Variants in ATP2A2 observed in about 807,000 individuals in gnomAD.
The protein encoded by ATP2A2 is sarcoplasmic/endoplasmic reticulum calcium ATPase 2.
In ATP2A2, 14 loss-of-function variants were observed where a neutral mutation model predicts 109.3. The observed-to-expected ratio is 0.13, with a 90% CI of 0.08 to 0.20. The LOEUF is 0.20. ATP2A2 is among the 10% of genes least tolerant of loss of function. The probability of loss-of-function intolerance (pLI) is 1.00; values close to 1 mark genes in which losing one functional copy is unlikely to be tolerated. For synonymous variants in ATP2A2, 506 were observed against 490.9 expected, an observed-to-expected ratio of 1.03 and a Z score of -0.41; for missense variants, 657 against 1,321.6, an observed-to-expected ratio of 0.50 and a Z score of 7.80.
At chr12:110,291,192 G>A (rs2137699978) in intron 3 of ATP2A2, among the ~76,000 whole-genome samples, 1 of 150,204 alleles carries the variant, frequency 6.7e-6, no homozygotes, top group African/African-American at 2.4e-5. Context: ...ACAGGCGTGA[G>A]CCATCGCACC....
chr12:110,307,792 AG>A (rs138707954), intron 5 of ATP2A2, among the ~76,000 whole-genome samples: 27,776 of 152,164 alleles, frequency 0.18, 2,936 homozygotes, highest in Admixed American at 0.28. Context: ...CCAATTCTGT[AG>A]GTTGTCAGTT....
intron 11 of ATP2A2, among the ~76,000 whole-genome samples, chr12:110,335,546 T>G (rs1447715920): frequency 1.7e-4 from 26 of 152,210 alleles, no homozygotes. Flanking sequence ...GTGGCTAAAC[T>G]TGAAGGATAA....
At position 110,342,240 on chromosome 12, in the gene ATP2A2, G is replaced by A. The variant is rs1226944289; in HGVS notation, c.2110G>A (p.Val704Met). 3 of 1,614,096 alleles carry A rather than the reference G, an allele frequency of 1.9e-6. No homozygotes were observed. Among genetic ancestry groups the A allele is most frequent in the Non-Finnish European group, 2.5e-6 (3 of 1,180,044 alleles). Residue 704 changes from valine to methionine, a missense_variant, in exon 15 of 20, where the codon GTG becomes ATG. This residue lies in a region of ATP2A2 where 50 missense variants were observed against 176.9 expected (regional missense o/e 0.28). Coordinates refer to ENST00000539276, the MANE Select transcript of ATP2A2 (RefSeq NM_170665.4). This position sits in a 1 kb window ranked among gnomAD's most constrained non-coding sequence, Gnocchi z 4.6. ...CTTTCCCTTTCAGACTGGCGATGGC[G>A]TGAACGATGCTCCTGCTCTGAAGAA... ...DEITAMTGDGVNDAPALKKAE... is the reference protein window; with the variant it reads ...DEITAMTGDGMNDAPALKKAE...
In ATP2A2 at chr12:110,349,119, G is replaced by A. The variant is rs1430501509; in HGVS notation, c.*2649G>A. Reference sequence around the variant, plus strand: ...CCTTGGTCCAGACAGCTGGGAGTGGGTTAGGCCCACTGCTGTTTTGAGCAG... The same window carrying A: ...CCTTGGTCCAGACAGCTGGGAGTGGATTAGGCCCACTGCTGTTTTGAGCAG... On this transcript the variant is annotated 3_prime_UTR_variant, in exon 20 of 20. Transcript: ENST00000539276. 26 of 985,474 alleles carry A rather than the reference G, an allele frequency of 2.6e-5. No homozygotes were observed. The highest frequency in any genetic ancestry group is 2.8e-5 in the Non-Finnish European group (23 of 829,980). The allele number at this position is 985,474 out of a possible 1,614,324, so 61.0% of individuals were successfully genotyped here.
intron 5 of ATP2A2, among the ~76,000 whole-genome samples, chr12:110,311,614 A>AAAAC (rs1876067368): frequency 7.4e-6 from 1 of 135,320 alleles, no homozygotes; most frequent in Non-Finnish European, 1.6e-5. Flanking sequence ...AAAAAAAAAA[A>AAAAC]AAAAAAAACG....
intron 3 of ATP2A2, among the ~76,000 whole-genome samples, chr12:110,289,459 A>T (rs907468365): frequency 2.0e-5 from 3 of 152,156 alleles, no homozygotes; most frequent in African/African-American, 4.8e-5. Context: ...GCATACAGTA[A>T]CATTTATTAT....
Position 110,296,661 on chromosome 12 carries a change from G to A in ATP2A2, c.387G>A (p.Val129=). 6.2e-7 allele frequency: 1 copy of A among 1,614,144 alleles called. No individual in the cohort carries two copies. The highest frequency in any genetic ancestry group is 8.5e-7 in the Non-Finnish European group (1 of 1,180,006). ...AATATGAGCCTGAAATGGGCAAAGT[G>A]TATCGACAGGACAGAAAGAGTGTGC... is the stretch of plus-strand genomic sequence containing the variant. ...LKEYEPEMGK[V]YRQDRKSVQR... is the part of the protein sequence containing the mutation. The change falls in exon 5 of 20, where the codon GTG becomes GTA. Residue 129 remains valine, a synonymous_variant. Transcript: ENST00000539276.
At chr12:110,305,579 A>G (rs1875196582) in intron 5 of ATP2A2, among the ~76,000 whole-genome samples, 1 of 152,066 alleles carries the variant, frequency 6.6e-6, no homozygotes, top group Middle Eastern at 3.2e-3. Flanking sequence ...GTATTTCTAG[A>G]CTCTATTCTT....
At chr12:110,325,989 A>AG in intron 6 of ATP2A2, 1 of 190,122 alleles carries the variant, frequency 5.3e-6, no homozygotes, top group Non-Finnish European at 1.1e-5. Context: ...TCTGTCTCGA[A>AG]AAAAAAAAAA....
At chr12:110,282,395 A>T (rs528505599) in intron 1 of ATP2A2, among the ~76,000 whole-genome samples, 1 of 152,312 alleles carries the variant, frequency 6.6e-6, no homozygotes, top group African/African-American at 2.4e-5. Flanking sequence ...CATTGATTAC[A>T]AAGAGTGCAT....
At chr12:110,336,056 C>G (rs999963930) in intron 11 of ATP2A2, among the ~76,000 whole-genome samples, 1 of 152,236 alleles carries the variant, frequency 6.6e-6, no homozygotes, top group Non-Finnish European at 1.5e-5. Context: ...ACAGCCTCAT[C>G]CTCAGTGCCC....
rs772715677 is a variant in ATP2A2 at position 110,343,444 on chromosome 12, A to T, written c.2521+10A>T. 6.2e-7 allele frequency: 1 copy of T among 1,612,766 alleles called. No individual in the cohort carries two copies. ...TACTTGGCTATTGGCTGTGAGTACA[A>T]TTTTTTTATATTACTGATTTTTAAA... On this transcript the variant is annotated intron_variant, in intron 16 of 19. Coordinates refer to ENST00000539276, the MANE Select transcript of ATP2A2 (RefSeq NM_170665.4).
At chr12:110,311,095 T>C (rs1875985051) in intron 5 of ATP2A2, among the ~76,000 whole-genome samples, 2 of 152,032 alleles carry the variant, frequency 1.3e-5, no homozygotes, top group Non-Finnish European at 2.9e-5. Flanking sequence ...CCATGTGGAC[T>C]TTTTTTTGCT....
intron 18 of ATP2A2, 137 bp downstream of exon 18, chr12:110,345,519 G>A: frequency 7.5e-7 from 1 of 1,340,770 alleles, no homozygotes; most frequent in Non-Finnish European, 1.0e-6. Context: ...GGCAATACCA[G>A]TTTTAAAAGC....
At chr12:110,285,690 A>G (rs541401924) in intron 3 of ATP2A2, among the ~76,000 whole-genome samples, 1 of 152,334 alleles carries the variant, frequency 6.6e-6, no homozygotes, top group East Asian at 1.9e-4. Context: ...CATTAGGGCC[A>G]TGTTGGTCTC....
rs764794750 is a variant in ATP2A2, at chr12:110,343,135, T to C, written c.2319-97T>C. 2.5e-4 allele frequency: 317 copies of C among 1,270,554 alleles called. 1 individual carries two copies. The highest frequency in any genetic ancestry group is 5.3e-4 in the Middle Eastern group (2 of 3,802). 78.7% of individuals were successfully genotyped at this position (1,270,554 alleles called of 1,614,324 possible). ...TACAGATTACCTGAAGTTGTTGTCA[T>C]TTATTTTTCTGGAGGAGGGCGGGTT... On this transcript the variant is annotated intron_variant, in intron 15 of 19. Coordinates refer to ENST00000539276, the MANE Select transcript of ATP2A2 (RefSeq NM_170665.4).
intron 8 of ATP2A2, among the ~76,000 whole-genome samples, chr12:110,328,592 A>G (rs1384783155): frequency 1.3e-5 from 2 of 152,134 alleles, no homozygotes; most frequent in Non-Finnish European, 1.5e-5. Context: ...AAAAAAGACA[A>G]GGTCTCATTC....
At chr12:110,335,782 A>G (rs1878782832) in intron 11 of ATP2A2, among the ~76,000 whole-genome samples, 1 of 152,198 alleles carries the variant, frequency 6.6e-6, no homozygotes, top group African/African-American at 2.4e-5. Context: ...GCAGCCAGGG[A>G]GGAGCAGAAG....
At chr12:110,320,992 G>T (rs1008437696) in intron 5 of ATP2A2, among the ~76,000 whole-genome samples, 1 of 152,212 alleles carries the variant, frequency 6.6e-6, no homozygotes, top group Non-Finnish European at 1.5e-5. Context: ...ATTTTGGGAG[G>T]CAAGGCAGGT....
Sources: gnomAD v4.1 joint callset for allele counts (sites outside exome capture counted in the v4.1 genomes callset) on GRCh38, gnomAD v4.1.1 for gene constraint, gnomAD v4.1.1 regional missense constraint, Gnocchi (gnomAD v3.1) non-coding constraint, MANE v1.5 for transcripts, NCBI Gene and HGNC (gene_info 2026-07-23, HGNC 2026-07-21) for gene names.